GLP2R: variants seen among roughly 807,000 people sequenced by gnomAD.
The protein encoded by GLP2R is glucagon-like peptide 2 receptor.
Under a neutral mutation model 68.2 loss-of-function variants are expected in GLP2R, and 59 were observed. The observed-to-expected ratio is 0.87, with a 90% CI of 0.70 to 1.07. The LOEUF (loss-of-function observed/expected upper bound fraction) is 1.07, where lower values mean the gene tolerates loss of function less well. GLP2R is among the 50% of genes least tolerant of loss of function. The pLI is 0.00. For synonymous variants in GLP2R, 270 were observed against 265.4 expected, an observed-to-expected ratio of 1.02 and a Z score of -0.17; for missense variants, 548 against 677.4, an observed-to-expected ratio of 0.81 and a Z score of 2.12.
chr17:9,887,385 G>A (rs949233373), intron 11 of GLP2R, among the ~76,000 whole-genome samples: 6 of 152,124 alleles, frequency 3.9e-5, no homozygotes, highest in African/African-American at 1.2e-4. Flanking sequence ...AAAATTAGTC[G>A]GGCGTGGTGG....
intron 9 of GLP2R, among the ~76,000 whole-genome samples, chr17:9,868,760 G>A (rs1348700513): frequency 6.6e-6 from 1 of 152,150 alleles, no homozygotes; most frequent in Non-Finnish European, 1.5e-5. Flanking sequence ...AAGACACAGA[G>A]AACAGTGAAT....
chr17:9,860,230 G>A (rs1715970830), intron 7 of GLP2R, 129 bp downstream of exon 7: 1 of 858,892 alleles, frequency 1.2e-6, no homozygotes, highest in Admixed American at 3.0e-5. Context: ...CTCAAAGACA[G>A]GGAGCTTTGA....
chr17:9,852,489 T>C (rs1320970245), intron 4 of GLP2R, among the ~76,000 whole-genome samples: 3 of 152,064 alleles, frequency 2.0e-5, no homozygotes, highest in South Asian at 2.1e-4. Flanking sequence ...TATTAGAAAA[T>C]TGGAAAAATA....
intron 5 of GLP2R, among the ~76,000 whole-genome samples, chr17:9,857,062 C>T (rs1274778159): frequency 6.6e-6 from 1 of 152,146 alleles, no homozygotes; most frequent in East Asian, 1.9e-4. Flanking sequence ...GCTGGGATTA[C>T]AGGCACGCGC....
intron 10 of GLP2R, among the ~76,000 whole-genome samples, chr17:9,876,677 T>G (rs779892978): frequency 6.6e-6 from 1 of 152,210 alleles, no homozygotes; most frequent in Non-Finnish European, 1.5e-5. Context: ...AGAGAGACCT[T>G]CCTGCTTCTG....
chr17:9,873,579 T>TTTTTTTTTTTTTTTTTTTTTTTTTTG (rs1555573361), intron 10 of GLP2R, among the ~76,000 whole-genome samples: 1 of 141,542 alleles, frequency 7.1e-6, no homozygotes. Context: ...TTTTTTTTTT[T>TTTTTTTTTTTTTTTTTTTTTTTTTTG]AGCTCATCAG....
chr17:9,869,412 C>T (rs1214734272), intron 9 of GLP2R, among the ~76,000 whole-genome samples: 1 of 152,242 alleles, frequency 6.6e-6, no homozygotes, highest in East Asian at 1.9e-4. Flanking sequence ...ACCCCCCTCT[C>T]CTGCCCAGTC....
intron 3 of GLP2R, among the ~76,000 whole-genome samples, chr17:9,840,104 G>C (rs993788038): frequency 2.0e-5 from 3 of 151,578 alleles, no homozygotes; most frequent in African/African-American, 7.3e-5. Flanking sequence ...AGCCTCCCAA[G>C]TAGCTGGGAT....
At chr17:9,872,178 C>A (rs2067100971) in intron 10 of GLP2R, among the ~76,000 whole-genome samples, 1 of 152,218 alleles carries the variant, frequency 6.6e-6, no homozygotes, top group South Asian at 2.1e-4. Context: ...TGTTTCTCTC[C>A]CCTTTATAAG....
At chr17:9,864,341 A>T (rs770628024) in intron 9 of GLP2R, among the ~76,000 whole-genome samples, 2 of 152,172 alleles carry the variant, frequency 1.3e-5, no homozygotes, top group African/African-American at 4.8e-5. Flanking sequence ...TTTTGGATGA[A>T]CATTAAAGTT....
At chr17:9,869,413 C>T (rs1267740192) in intron 9 of GLP2R, among the ~76,000 whole-genome samples, 1 of 152,248 alleles carries the variant, frequency 6.6e-6, no homozygotes, top group Non-Finnish European at 1.5e-5. Flanking sequence ...CCCCCCTCTC[C>T]TGCCCAGTCT....
At position 9,890,433 on chromosome 17, in the gene GLP2R, G is replaced by A; in HGVS notation, c.*728G>A. 1 of 194,578 alleles carries A rather than the reference G, an allele frequency of 5.1e-6. No individual in the cohort carries two copies. Among genetic ancestry groups the A allele is most frequent in the Non-Finnish European group, 1.1e-5 (1 of 95,062 alleles). The allele number at this position is 194,578 out of a possible 1,614,324, so 12.1% of individuals were successfully genotyped here. On this transcript the variant is annotated 3_prime_UTR_variant, in exon 13 of 13. Transcript: ENST00000262441. ...TCAAGTCTTGCCTCTCTCTCTCTTT[G>A]CCTCAGTTCTCTGTCCCTGCACAGC...
chr17:9,852,135 T>C (rs962403103), intron 4 of GLP2R, among the ~76,000 whole-genome samples: 2 of 151,874 alleles, frequency 1.3e-5, no homozygotes, highest in African/African-American at 4.8e-5. Context: ...ACATGTGCCA[T>C]GGTGGTTTGC....
chr17:9,826,080 G>A lies in GLP2R; in HGVS notation c.17G>A (p.Ser6Asn). The A allele has an allele frequency of 1.2e-6, 2 of 1,611,936 alleles. No individual in the cohort carries two copies. The highest frequency in any genetic ancestry group is 1.3e-5 in the African/African-American group (1 of 74,990). MKLGS[S>N]RAGPGRGSAG... ...ACGAGGAAGATGAAGCTGGGATCGA[G>A]CAGGGCAGGGCCTGGGAGAGGAAGC... The change falls in exon 1 of 13, where the codon AGC becomes AAC. Residue 6 changes from serine (S) to asparagine (N), a missense_variant. Ser to Asn is a conservative substitution (Grantham distance 46, BLOSUM62 1). Coordinates refer to ENST00000262441, the MANE Select transcript of GLP2R (RefSeq NM_004246.3).
At chr17:9,886,089 G>A (rs1044706767) in intron 11 of GLP2R, among the ~76,000 whole-genome samples, 2 of 152,252 alleles carry the variant, frequency 1.3e-5, no homozygotes, top group Non-Finnish European at 1.5e-5. Flanking sequence ...CAAGAGCACA[G>A]GTGGGCAGAT....
chr17:9,883,052 T>C (rs2067211743), intron 11 of GLP2R, among the ~76,000 whole-genome samples: 1 of 150,158 alleles, frequency 6.7e-6, no homozygotes, highest in South Asian at 2.1e-4. Context: ...TGTCTAGATG[T>C]TGGACTTATC....
At chr17:9,886,235 G>A (rs887708519) in intron 11 of GLP2R, among the ~76,000 whole-genome samples, 4 of 152,212 alleles carry the variant, frequency 2.6e-5, no homozygotes, top group Non-Finnish European at 5.9e-5. Flanking sequence ...CTACTGCTTA[G>A]AGAGTTCCAC....
Position 9,889,921 on chromosome 17 carries a change from A to C in GLP2R, c.*216A>C. ...CTCTGCCTGCTCTTCTCATCCTAAT[A>C]ACCCCCACCAGTGTGTTTTCCACAA... is the stretch of plus-strand genomic sequence containing the variant. On this transcript the variant is annotated 3_prime_UTR_variant, in exon 13 of 13. Coordinates refer to ENST00000262441, the MANE Select transcript of GLP2R (RefSeq NM_004246.3). 1.6e-6 allele frequency: 1 copy of C among 629,076 alleles called. No individual in the cohort carries two copies. Among genetic ancestry groups the C allele is most frequent in the Non-Finnish European group, 2.9e-6 (1 of 340,902 alleles). 39.0% of individuals were successfully genotyped at this position (629,076 alleles called of 1,614,324 possible).
intron 3 of GLP2R, 72 bp downstream of exon 3, chr17:9,836,547 TC>T (rs762646316): frequency 1.2e-6 from 1 of 834,988 alleles, no homozygotes; most frequent in Admixed American, 1.7e-5. Context: ...CCACAAACAG[TC>T]CCCGTCTAAG....
Sources: gnomAD v4.1 joint callset for allele counts (sites outside exome capture counted in the v4.1 genomes callset) on GRCh38, gnomAD v4.1.1 for gene constraint, MANE v1.5 for transcripts, NCBI Gene and HGNC (gene_info 2026-07-23, HGNC 2026-07-21) for gene names.